Variants in TBPL2 observed in about 807,000 individuals in gnomAD.
TBPL2 encodes TATA-box binding protein like 2.
A neutral mutation model predicts 38.2 loss-of-function variants in TBPL2; 40 were observed. The ratio of observed to expected loss-of-function variants is 1.05; its 90% CI spans 0.81 to 1.36. TBPL2 has a LOEUF of 1.36. Ranked by LOEUF, TBPL2 falls within the 40% of genes most tolerant of loss-of-function variation. TBPL2 has a pLI of 0.00. For missense variants in TBPL2, 461 were observed against 456.7 expected (o/e 1.01, Z -0.09); for synonymous variants, 169 against 171.7 (o/e 0.98, Z 0.12).
At chr14:55,427,832 TACAC>T (rs35406194) in intron 5 of TBPL2, among the ~76,000 whole-genome samples, 5 of 145,126 alleles carry the variant, frequency 3.4e-5, no homozygotes, top group Admixed American at 6.9e-5. Flanking sequence ...TGCAGCTATA[TACAC>T]ACACACACAC....
At chr14:55,438,596 G>A (rs1886053697) in intron 1 of TBPL2, among the ~76,000 whole-genome samples, 1 of 152,128 alleles carries the variant, frequency 6.6e-6, no homozygotes, top group Non-Finnish European at 1.5e-5. Context: ...ATTTTATCAG[G>A]GAACAAAGCT....
chr14:55,430,189 T>C (rs1368309246), intron 4 of TBPL2, among the ~76,000 whole-genome samples: 1 of 152,040 alleles, frequency 6.6e-6, no homozygotes, highest in African/African-American at 2.4e-5. Flanking sequence ...GTGAATCAGG[T>C]GAATTCCACC....
intron 5 of TBPL2, among the ~76,000 whole-genome samples, chr14:55,427,766 G>A (rs1885849225): frequency 6.6e-6 from 1 of 151,868 alleles, no homozygotes; most frequent in African/African-American, 2.4e-5. Flanking sequence ...AGTCAGGAAG[G>A]CTAGAGATAT....
At chr14:55,429,501 C>T (rs763637332) in intron 4 of TBPL2, among the ~76,000 whole-genome samples, 1 of 152,140 alleles carries the variant, frequency 6.6e-6, no homozygotes, top group African/African-American at 2.4e-5. Flanking sequence ...CAGTGGCTCA[C>T]GCCTGTAATC....
intron 4 of TBPL2, among the ~76,000 whole-genome samples, chr14:55,430,691 A>G (rs2140175025): frequency 6.6e-6 from 1 of 152,262 alleles, no homozygotes; most frequent in Middle Eastern, 3.4e-3. Context: ...GCCACTGCAC[A>G]TGGCCATCTG....
At chr14:55,440,479 G>A (rs1164517133) in exon 1 of TBPL2, 2 of 1,612,654 alleles carry the variant, frequency 1.2e-6, no homozygotes, top group East Asian at 4.5e-5. Context: ...GGGGGTGGGG[G>A]CGGGTAAGAG....
exon 4 of TBPL2, chr14:55,433,656 C>T: frequency 6.2e-7 from 1 of 1,614,120 alleles, no homozygotes; most frequent in Non-Finnish European, 8.5e-7. Context: ...AGACCATCTT[C>T]CCAGAGCTAA....
At chr14:55,420,512 T>C (rs1885726292) in intron 6 of TBPL2, among the ~76,000 whole-genome samples, 1 of 125,058 alleles carries the variant, frequency 8.0e-6, no homozygotes, top group Admixed American at 7.5e-5. Flanking sequence ...CGCCAAGAGA[T>C]GATAATTATT....
At chr14:55,434,422 C>G (rs1325430278) in intron 3 of TBPL2, among the ~76,000 whole-genome samples, 1 of 152,126 alleles carries the variant, frequency 6.6e-6, no homozygotes, top group Non-Finnish European at 1.5e-5. Flanking sequence ...TCTCTTCACC[C>G]CAACTCCTCT....
rs923472776 is a variant in TBPL2 at position 55,418,529 on chromosome 14, A to G, written c.1052-4074T>C. ...ATTTTATGACATATACCAATTTACT[A>G]TTAGTTGGGGGTTACTGTTAACAAT... On this transcript the variant is annotated intron_variant, in intron 6 of 6. Coordinates refer to ENST00000247219, the Ensembl canonical transcript of TBPL2. Among the ~76,000 whole-genome samples the G allele has an allele frequency of 4.6e-5, 7 of 152,238 alleles. 1 individual carries two copies. Among genetic ancestry groups the G allele is most frequent in the East Asian group, 1.9e-4 (1 of 5,182 alleles).
intron 5 of TBPL2, 55 bp downstream of exon 5, chr14:55,428,752 A>G: frequency 1.9e-6 from 3 of 1,544,172 alleles, no homozygotes; most frequent in Non-Finnish European, 8.8e-7. Flanking sequence ...AGCAACCCAT[A>G]ATGTAACTTA....
At chr14:55,429,766 CAAAAAAAAAAAA>C (rs71131266) in intron 4 of TBPL2, among the ~76,000 whole-genome samples, 10 of 52,380 alleles carry the variant, frequency 1.9e-4, no homozygotes, top group South Asian at 7.9e-4. Context: ...AACTCCGTCT[CAAAAAAAAAAAA>C]AAAAAAAAAA....
intron 6 of TBPL2, among the ~76,000 whole-genome samples, chr14:55,419,907 G>A (rs1302301739): frequency 6.6e-6 from 1 of 152,174 alleles, no homozygotes; most frequent in African/African-American, 2.4e-5. Flanking sequence ...CCATTATTGA[G>A]ATACTGCTTT....
chr14:55,439,278 T>TTAA (rs536541049), intron 1 of TBPL2, among the ~76,000 whole-genome samples: 4 of 133,884 alleles, frequency 3.0e-5, no homozygotes, highest in Non-Finnish European at 6.3e-5. Flanking sequence ...TAATTAACTT[T>TTAA]AAAAAAAAAA....
chr14:55,415,707 A>C (rs1042057831), intron 6 of TBPL2, among the ~76,000 whole-genome samples: 17 of 152,300 alleles, frequency 1.1e-4, no homozygotes, highest in African/African-American at 3.8e-4. Flanking sequence ...CTCTACTAAA[A>C]ATACAAAAGA....
intron 6 of TBPL2, among the ~76,000 whole-genome samples, chr14:55,421,376 T>C (rs1298739281): frequency 6.6e-6 from 1 of 152,210 alleles, no homozygotes. Flanking sequence ...TCTTAATTAC[T>C]CCAGACTCTA....
At chr14:55,424,063 T>C in intron 6 of TBPL2, 96 bp downstream of exon 6, 1 of 817,170 alleles carries the variant, frequency 1.2e-6, no homozygotes, top group Non-Finnish European at 2.0e-6. Context: ...TAACAAGAAT[T>C]ACTTTACCAT....
At chr14:55,428,634 A>G (rs1454660758) in intron 5 of TBPL2, among the ~76,000 whole-genome samples, 173 bp downstream of exon 5, 1 of 146,672 alleles carries the variant, frequency 6.8e-6, no homozygotes, top group African/African-American at 2.7e-5. Context: ...AAGACTGGGC[A>G]CATGTGGTAA....
chr14:55,426,683 G>A (rs572763099), intron 5 of TBPL2, among the ~76,000 whole-genome samples: 4 of 151,672 alleles, frequency 2.6e-5, no homozygotes, highest in Non-Finnish European at 4.4e-5. Context: ...AGAAAGTTGT[G>A]GGAATACAAA....
Sources: gnomAD v4.1 joint callset for allele counts (sites outside exome capture counted in the v4.1 genomes callset) on GRCh38, gnomAD v4.1.1 for gene constraint, MANE v1.5 for transcripts, NCBI Gene and HGNC (gene_info 2026-07-23, HGNC 2026-07-21) for gene names.